The following PPP3R1 variants were observed in gnomAD, a reference collection of about 807,000 sequenced individuals.
The protein encoded by PPP3R1 is calcineurin subunit B type 1.
A neutral mutation model predicts 22.6 loss-of-function variants in PPP3R1; 5 were observed. The observed-to-expected ratio is 0.22, with a 90% confidence interval of 0.12 to 0.46. PPP3R1 has a LOEUF of 0.46. Among genes scored for constraint, PPP3R1 ranks in the 20% least tolerant of loss-of-function variants. PPP3R1 has a pLI of 0.99. For synonymous variants in PPP3R1, 56 were observed against 65.2 expected (o/e 0.86, Z 0.68); for missense variants, 61 against 203.2 (o/e 0.30, Z 4.25).
intron 1 of PPP3R1, among the ~76,000 whole-genome samples, chr2:68,251,372 A>G (rs1379528767): frequency 6.6e-6 from 1 of 152,232 alleles, no homozygotes; most frequent in Non-Finnish European, 1.5e-5. Context: ...AAGGTACCAA[A>G]GAAAATGAAA....
At position 68,202,792 on chromosome 2, in the gene PPP3R1, A is replaced by ATTTTTTTTTTTTTTT. The variant is rs71395958; in HGVS notation, c.44-14117_44-14103dup. On this transcript the variant is annotated intron_variant, in intron 2 of 5. Coordinates refer to ENST00000234310, the MANE Select transcript of PPP3R1 (RefSeq NM_000945.4). ...TAATATATACTAGAGAGTTCAGGGAATTTTTTTTTTTTTTTTTTTTTTTTT... is the reference window on the plus strand; with the variant it reads ...TAATATATACTAGAGAGTTCAGGGAATTTTTTTTTTTTTTTTTTTTTTTTTTTTTTTTTTTTTTTT... Among the ~76,000 whole-genome samples, 35 of 81,216 alleles carry ATTTTTTTTTTTTTTT rather than the reference A, an allele frequency of 4.3e-4. 5 individuals are homozygous for ATTTTTTTTTTTTTTT. The highest frequency in any genetic ancestry group is 2.0e-3 in the African/African-American group (32 of 16,170). The allele number at this position is 81,216 out of a possible 152,430, so 53.3% of individuals were successfully genotyped here. A position where few individuals can be genotyped will look rare whatever the true frequency, so the allele number is the denominator to read the frequency against.
chr2:68,184,283 G>T (rs1674484458), intron 5 of PPP3R1, among the ~76,000 whole-genome samples: 1 of 152,156 alleles, frequency 6.6e-6, no homozygotes, highest in Non-Finnish European at 1.5e-5. Flanking sequence ...GCCTTTCACG[G>T]ATTCTCCATT....
At chr2:68,250,017 G>A (rs1242457226) in intron 1 of PPP3R1, among the ~76,000 whole-genome samples, 2 of 152,162 alleles carry the variant, frequency 1.3e-5, no homozygotes, top group Non-Finnish European at 2.9e-5. Flanking sequence ...ATCCCATATG[G>A]CAAAGTTGAG....
chr2:68,206,781 C>T (rs535172968), intron 2 of PPP3R1, among the ~76,000 whole-genome samples: 1 of 152,160 alleles, frequency 6.6e-6, no homozygotes, highest in Non-Finnish European at 1.5e-5. Flanking sequence ...TAGGTGCTTA[C>T]TTATCTGTGT....
In PPP3R1 at chr2:68,252,170, G is replaced by A; in HGVS notation, c.-43C>T. The A allele has an allele frequency of 2.9e-6, 4 of 1,392,470 alleles. No individual in the cohort carries two copies. The highest frequency in any genetic ancestry group is 3.8e-6 in the Non-Finnish European group (4 of 1,050,716). 86.3% of individuals were successfully genotyped at this position (1,392,470 alleles called of 1,614,324 possible). ...CGGCTCGCTGGCTCGCTGGCTCGGA[G>A]AAGTGTTGCGCTCAGGCTGGCTCGC... On this transcript the variant is annotated 5_prime_UTR_variant, in exon 1 of 6. Coordinates refer to ENST00000234310, the MANE Select transcript of PPP3R1 (RefSeq NM_000945.4).
chr2:68,212,390 A>G lies in PPP3R1; in HGVS notation c.43+4702T>C, dbSNP rs1268357976. Reference sequence around the variant, plus strand: ...GCCACTGTGCCTGGCCCTTTCCAGAACGTCTTTAATGTACTTTGCCCAGGT... The same window carrying G: ...GCCACTGTGCCTGGCCCTTTCCAGAGCGTCTTTAATGTACTTTGCCCAGGT... On this transcript the variant is annotated intron_variant, in intron 2 of 5. Transcript: ENST00000234310. 2.0e-5 allele frequency among the ~76,000 whole-genome samples: 3 copies of G among 152,220 alleles called. No homozygotes were observed. The East Asian group carries it at 5.8e-4, about 29-fold the overall frequency.
chr2:68,204,272 GAATA>G (rs780490783), intron 2 of PPP3R1, among the ~76,000 whole-genome samples: 4 of 151,240 alleles, frequency 2.6e-5, no homozygotes, highest in African/African-American at 7.3e-5. Context: ...CAACGGCCTA[GAATA>G]AATTCAATAA....
In PPP3R1 at chr2:68,180,939, T is replaced by C. The variant is rs751824649; in HGVS notation, c.*24A>G. 1.4e-5 allele frequency: 23 copies of C among 1,603,962 alleles called. No homozygotes were observed. The South Asian group carries it at 1.7e-4, about 12-fold the overall frequency. ...AGAGATGGAGAAGAAAGCAAAAGTG[T>C]TGGGTGGTACTCTCTGATAAGAGTC... On this transcript the variant is annotated 3_prime_UTR_variant, in exon 6 of 6. Transcript: ENST00000234310.
intron 2 of PPP3R1, among the ~76,000 whole-genome samples, chr2:68,200,408 T>C (rs1674951016): frequency 6.6e-6 from 1 of 152,180 alleles, no homozygotes; most frequent in African/African-American, 2.4e-5. Flanking sequence ...TCCAAAGATG[T>C]CACAAAAGAA....
chr2:68,198,062 CAAAAAAAAAAAAA>C (rs199824687), intron 2 of PPP3R1, among the ~76,000 whole-genome samples: 1 of 42,004 alleles, frequency 2.4e-5, no homozygotes, highest in African/African-American at 1.1e-4. Context: ...GCACCTTTGG[CAAAAAAAAAAAAA>C]AAAAAAAAAA....
chr2:68,183,802 T>G (rs1032310099), intron 5 of PPP3R1, among the ~76,000 whole-genome samples: 1 of 152,218 alleles, frequency 6.6e-6, no homozygotes, highest in South Asian at 2.1e-4. Context: ...CTTCAGTGTT[T>G]GGTGAGATCC....
chr2:68,180,822 T>G lies in PPP3R1; in HGVS notation c.*141A>C. The G allele has an allele frequency of 3.2e-5, 26 of 812,396 alleles. No individual in the cohort carries two copies. Among genetic ancestry groups the G allele is most frequent in the East Asian group, 8.1e-5 (3 of 36,852 alleles). 50.3% of individuals were successfully genotyped at this position (812,396 alleles called of 1,614,324 possible). ...GTTCAATAACACTTAGTTGGCTTCA[T>G]GAGGCTCATGTTGGAAAATGTGGCT... On this transcript the variant is annotated 3_prime_UTR_variant, in exon 6 of 6. Transcript: ENST00000234310.
chr2:68,223,404 A>G (rs1375985004), intron 1 of PPP3R1, among the ~76,000 whole-genome samples: 1 of 152,182 alleles, frequency 6.6e-6, no homozygotes, highest in East Asian at 1.9e-4. Context: ...TCAAAACAAC[A>G]ACAACAACAA....
In PPP3R1 at chr2:68,180,193, G is replaced by A. The variant is rs959768696; in HGVS notation, c.*770C>T. On this transcript the variant is annotated 3_prime_UTR_variant, in exon 6 of 6. Coordinates refer to ENST00000234310, the MANE Select transcript of PPP3R1 (RefSeq NM_000945.4). ...CCTAGTTACAAAGTAGCAGAATGAA[G>A]CAGCTATAAGCCCTGTGCAGTTACT... 2 of 152,150 alleles carry A rather than the reference G, an allele frequency of 1.3e-5. No individual in the cohort carries two copies. The highest frequency in any genetic ancestry group is 2.4e-5 in the African/African-American group (1 of 41,430). 9.4% of individuals were successfully genotyped at this position (152,150 alleles called of 1,614,324 possible).
In PPP3R1 at chr2:68,237,555, T is replaced by C. The variant is rs565887681; in HGVS notation, c.3+14570A>G. ...ACAATTACTTGACATTATACAACTCTATGAGTAATGTGACGAGAATGAATA... is the reference window on the plus strand; with the variant it reads ...ACAATTACTTGACATTATACAACTCCATGAGTAATGTGACGAGAATGAATA... On this transcript the variant is annotated intron_variant, in intron 1 of 5. Coordinates refer to ENST00000234310, the MANE Select transcript of PPP3R1 (RefSeq NM_000945.4). 2.6e-5 allele frequency among the ~76,000 whole-genome samples: 4 copies of C among 152,218 alleles called. No homozygotes were observed. The East Asian group carries it at 5.8e-4, about 22-fold the overall frequency.
intron 1 of PPP3R1, among the ~76,000 whole-genome samples, chr2:68,247,589 G>C (rs993191503): frequency 6.6e-6 from 1 of 152,224 alleles, no homozygotes; most frequent in Admixed American, 6.5e-5. Context: ...GAAGCCTAGA[G>C]ATGAAACAAT....
chr2:68,229,178 TA>T (rs1310388841), intron 1 of PPP3R1, among the ~76,000 whole-genome samples: 136 of 151,982 alleles, frequency 8.9e-4, no homozygotes, highest in South Asian at 1.5e-3. Context: ...CTCAGCTAAT[TA>T]TTTTTTTTTT....
At chr2:68,214,126 T>C (rs7608984) in intron 2 of PPP3R1, among the ~76,000 whole-genome samples, 36,921 of 152,112 alleles carry the variant, frequency 0.24, 4,698 homozygotes, top group African/African-American at 0.29. Context: ...CCTTATACCA[T>C]ATACAAATCA....
At chr2:68,182,451 TA>T (rs1344957281) in intron 5 of PPP3R1, among the ~76,000 whole-genome samples, 3 of 152,106 alleles carry the variant, frequency 2.0e-5, no homozygotes, top group Non-Finnish European at 2.9e-5. Flanking sequence ...CTCTTCCCTC[TA>T]TCTCCTACCC....
Sources: gnomAD v4.1 joint callset for allele counts (sites outside exome capture counted in the v4.1 genomes callset) on GRCh38, gnomAD v4.1.1 for gene constraint, MANE v1.5 for transcripts, NCBI Gene and HGNC (gene_info 2026-07-23, HGNC 2026-07-21) for gene names.